Variants in DCC observed in about 807,000 individuals in gnomAD.
The protein encoded by DCC is DCC netrin 1 receptor, also known as netrin receptor DCC.
DCC carries 58 observed loss-of-function variants against 172.5 expected under a neutral mutation model. The observed-to-expected ratio is 0.34, with a 90% confidence interval of 0.27 to 0.42. The LOEUF (loss-of-function observed/expected upper bound fraction) is 0.42. Ranked by LOEUF, DCC falls within the 10% of genes least tolerant of loss-of-function variation. The pLI is 1.00. For synonymous variants in DCC, 709 were observed against 644.5 expected, an observed-to-expected ratio of 1.10 and a Z score of -1.52; for missense variants, 1,740 against 1,791.0, an observed-to-expected ratio of 0.97 and a Z score of 0.51.
chr18:52,480,052 C>G (rs190127863), intron 1 of DCC, among the ~76,000 whole-genome samples: 2 of 152,148 alleles, frequency 1.3e-5, no homozygotes, highest in Admixed American at 1.3e-4. Flanking sequence ...ATTATTAACC[C>G]CTAAGACTCA....
rs1279213481 is a variant in DCC, at chr18:53,437,493, G to C, written c.3229+2284G>C. Among the ~76,000 whole-genome samples, 3 of 137,926 alleles carry C rather than the reference G, an allele frequency of 2.2e-5. No individual in the cohort carries two copies. The Admixed American group carries it at 2.5e-4, about 11-fold the overall frequency. 90.5% of individuals were successfully genotyped at this position (137,926 alleles called of 152,430 possible). A position where few individuals can be genotyped will look rare whatever the true frequency, so the allele number is the denominator to read the frequency against. On this transcript the variant is annotated intron_variant, in intron 22 of 28. Transcript: ENST00000442544. ...TACTCAGGAGGCTGAGGCAACAGGA[G>C]AATCACTTGAACCCAGGAGGCAGAG...
chr18:52,765,280 A>G (rs927706057), intron 2 of DCC, among the ~76,000 whole-genome samples: 3 of 150,246 alleles, frequency 2.0e-5, no homozygotes, highest in African/African-American at 7.3e-5. Context: ...CCTGACCTCA[A>G]GTGATCCTCC....
chr18:53,088,185 T>A (rs928444392), intron 7 of DCC, among the ~76,000 whole-genome samples: 27 of 152,292 alleles, frequency 1.8e-4, no homozygotes, highest in South Asian at 4.1e-4. Context: ...TCTATAAATT[T>A]CCTTGGGCAG....
intron 27 of DCC, among the ~76,000 whole-genome samples, chr18:53,510,350 G>A (rs2046235598): frequency 2.0e-5 from 3 of 152,256 alleles, no homozygotes; most frequent in African/African-American, 7.2e-5. Flanking sequence ...GAGGGTAAGT[G>A]AACCCATGAA....
intron 1 of DCC, among the ~76,000 whole-genome samples, chr18:52,572,159 G>A (rs1225502356): frequency 3.3e-5 from 5 of 151,976 alleles, no homozygotes; most frequent in African/African-American, 1.2e-4. Flanking sequence ...GAAATAATTC[G>A]GGCTTTCTAG....
At chr18:52,623,435 C>A (rs1012836331) in intron 1 of DCC, among the ~76,000 whole-genome samples, 3 of 152,180 alleles carry the variant, frequency 2.0e-5, no homozygotes, top group African/African-American at 7.2e-5. Flanking sequence ...TTGGCATTTG[C>A]ATTATCAGGA....
At chr18:52,376,378 G>A (rs1985346593) in intron 1 of DCC, among the ~76,000 whole-genome samples, 1 of 152,102 alleles carries the variant, frequency 6.6e-6, no homozygotes. Flanking sequence ...GAATTTAATT[G>A]GAGGAGGAGG....
chr18:52,468,694 G>A (rs562291073), intron 1 of DCC, among the ~76,000 whole-genome samples: 2 of 152,306 alleles, frequency 1.3e-5, no homozygotes, highest in African/African-American at 4.8e-5. Context: ...CACTAGTAGA[G>A]TTGAATTGAG....
chr18:52,728,891 C>T (rs1029120137), intron 1 of DCC, among the ~76,000 whole-genome samples: 1 of 152,144 alleles, frequency 6.6e-6, no homozygotes, highest in Non-Finnish European at 1.5e-5. Flanking sequence ...GGTCTCTACA[C>T]TCTCCAGGGA....
intron 12 of DCC, among the ~76,000 whole-genome samples, chr18:53,259,566 C>T (rs1045975712): frequency 6.6e-6 from 1 of 152,160 alleles, no homozygotes; most frequent in Non-Finnish European, 1.5e-5. Context: ...TGTAGAGTTT[C>T]TGCCAAGAGA....
chr18:52,775,282 G>C (rs2037409454), intron 2 of DCC, among the ~76,000 whole-genome samples: 1 of 152,180 alleles, frequency 6.6e-6, no homozygotes, highest in East Asian at 1.9e-4. Context: ...CCCCATGGCA[G>C]TGTCTAGGGG....
chr18:53,130,812 A>G (rs1488416727), intron 7 of DCC, among the ~76,000 whole-genome samples: 1 of 151,966 alleles, frequency 6.6e-6, no homozygotes, highest in Non-Finnish European at 1.5e-5. Context: ...CACATTCCAT[A>G]ATCCTTGATT....
At chr18:53,191,506 T>C (rs2055366317) in intron 9 of DCC, among the ~76,000 whole-genome samples, 1 of 152,192 alleles carries the variant, frequency 6.6e-6, no homozygotes, top group South Asian at 2.1e-4. Flanking sequence ...ATTTTTACTT[T>C]CAATGTGCCT....
intron 2 of DCC, among the ~76,000 whole-genome samples, chr18:52,849,359 C>G (rs948913207): frequency 6.6e-6 from 1 of 152,124 alleles, no homozygotes; most frequent in Non-Finnish European, 1.5e-5. Flanking sequence ...AAGACTGATT[C>G]CCTGCCAGTC....
intron 13 of DCC, among the ~76,000 whole-genome samples, chr18:53,307,917 A>G (rs12966279): frequency 2.2e-5 from 2 of 91,262 alleles, no homozygotes; most frequent in Non-Finnish European, 4.1e-5. Context: ...ATATATATAT[A>G]TATATATATA....
intron 1 of DCC, among the ~76,000 whole-genome samples, chr18:52,540,898 G>A (rs1377159891): frequency 4.6e-5 from 7 of 152,042 alleles, no homozygotes; most frequent in Non-Finnish European, 7.4e-5. Context: ...GAGCCACCGC[G>A]CCCGGCCTCA....
At chr18:52,713,256 C>T (rs927121233) in intron 1 of DCC, among the ~76,000 whole-genome samples, 1 of 152,160 alleles carries the variant, frequency 6.6e-6, no homozygotes, top group African/African-American at 2.4e-5. Context: ...AATGTTTAAC[C>T]TCTGCTTACA....
chr18:53,073,396 G>T (rs578007804), intron 7 of DCC, among the ~76,000 whole-genome samples: 2 of 152,110 alleles, frequency 1.3e-5, no homozygotes, highest in East Asian at 3.9e-4. Flanking sequence ...GTGGTGGCGG[G>T]TGCCTATAGT....
intron 1 of DCC, among the ~76,000 whole-genome samples, chr18:52,686,660 A>C (rs2035840756): frequency 6.6e-6 from 1 of 152,130 alleles, no homozygotes; most frequent in African/African-American, 2.4e-5. Context: ...TGAACTGTGC[A>C]AAAGTTTCTT....
Sources: allele counts gnomAD v4.1 joint callset (sites outside exome capture counted in the v4.1 genomes callset), GRCh38; gene constraint gnomAD v4.1.1; transcripts MANE v1.5; gene names NCBI Gene and HGNC (gene_info 2026-07-23, HGNC 2026-07-21).